Variants in CACNA2D1 observed in about 807,000 individuals in gnomAD.
CACNA2D1 encodes voltage-dependent calcium channel subunit alpha-2/delta-1.
In CACNA2D1, 53 loss-of-function variants were observed where a neutral mutation model predicts 171.5. That is an observed-to-expected ratio of 0.31 (90% confidence interval 0.25 to 0.39). The LOEUF (loss-of-function observed/expected upper bound fraction) is 0.39, where lower values mean the gene tolerates loss of function less well. Ranked by LOEUF, CACNA2D1 falls within the 10% of genes least tolerant of loss-of-function variation. The pLI is 1.00. For missense variants in CACNA2D1, 903 were observed against 1,299.8 expected, an observed-to-expected ratio of 0.69 and a Z score of 4.69; for synonymous variants, 442 against 443.1, an observed-to-expected ratio of 1.00 and a Z score of 0.03.
In CACNA2D1 at chr7:82,146,983, C is replaced by CAAAAAAAA. The variant is rs764990586; in HGVS notation, c.355-10315_355-10308dup. On this transcript the variant is annotated intron_variant, in intron 4 of 38. Coordinates refer to ENST00000356860, the MANE Select transcript of CACNA2D1 (RefSeq NM_000722.4). The stretch of plus-strand genomic sequence containing the variant: ...CTGGGTGATAGCAAGACTCCCATCT[C>CAAAAAAAA]AAAAAAAAAAAAAAAAAAAAAAAAA... Among the ~76,000 whole-genome samples, 24 of 25,510 alleles carry CAAAAAAAA rather than the reference C, an allele frequency of 9.4e-4. 2 individuals carry two copies. Among genetic ancestry groups the CAAAAAAAA allele is most frequent in the Admixed American group, 1.7e-3 (2 of 1,190 alleles). The allele number at this position is 25,510 out of a possible 152,430, so 16.7% of individuals were successfully genotyped here. A position where few individuals can be genotyped will look rare whatever the true frequency, so the allele number is the denominator to read the frequency against.
chr7:82,126,175 T>C (rs1790315460), intron 5 of CACNA2D1, among the ~76,000 whole-genome samples: 1 of 152,172 alleles, frequency 6.6e-6, no homozygotes, highest in African/African-American at 2.4e-5. Flanking sequence ...CTTGCCAATA[T>C]CACCCAGAAA....
chr7:82,061,113 T>C (rs1027046355), intron 9 of CACNA2D1, among the ~76,000 whole-genome samples: 3 of 152,196 alleles, frequency 2.0e-5, no homozygotes, highest in Non-Finnish European at 4.4e-5. Flanking sequence ...TCTACATCTC[T>C]AGCTCCCAAC....
chr7:82,042,646 A>C (rs1453497448), intron 10 of CACNA2D1, among the ~76,000 whole-genome samples: 1 of 152,038 alleles, frequency 6.6e-6, no homozygotes, highest in African/African-American at 2.4e-5. Context: ...TGGGGTAAAA[A>C]TCCTGGAGGG....
chr7:81,961,342 G>T (rs760550533), intron 36 of CACNA2D1, among the ~76,000 whole-genome samples: 1 of 151,644 alleles, frequency 6.6e-6, no homozygotes, highest in African/African-American at 2.4e-5. Context: ...CATTAACCAT[G>T]ACCTAAAAAA....
rs1411355168 is a variant in CACNA2D1, at chr7:82,099,419, CTTCTTTTTTTTTTTTTTTTTTT to C, written c.527-14541_527-14520del. Among the ~76,000 whole-genome samples the C allele has an allele frequency of 5.5e-4, 28 of 50,532 alleles. 2 individuals are homozygous for C. Among genetic ancestry groups the C allele is most frequent in the Non-Finnish European group, 1.0e-3 (23 of 22,516 alleles). The allele number at this position is 50,532 out of a possible 152,430, so 33.2% of individuals were successfully genotyped here. A position where few individuals can be genotyped will look rare whatever the true frequency, so the allele number is the denominator to read the frequency against. The stretch of plus-strand genomic sequence containing the variant: ...CATACTCTAAAACAGGTAGCAATAC[CTTCTTTTTTTTTTTTTTTTTTT>C]TTTTTTTTTTTTTTTTTTTTTTTTT... On this transcript the variant is annotated intron_variant, in intron 6 of 38. Transcript: ENST00000356860.
At chr7:82,000,090 CT>C (rs1202875461) in intron 18 of CACNA2D1, among the ~76,000 whole-genome samples, 2 of 151,920 alleles carry the variant, frequency 1.3e-5, no homozygotes, top group African/African-American at 2.4e-5. Flanking sequence ...GAAACCCCGT[CT>C]CTACTAAAAA....
chr7:82,129,352 G>A (rs1790692935), intron 5 of CACNA2D1, among the ~76,000 whole-genome samples: 1 of 152,154 alleles, frequency 6.6e-6, no homozygotes, highest in Non-Finnish European at 1.5e-5. Context: ...GATTATATCT[G>A]ATACATGTGC....
At chr7:81,985,304 C>G (rs1012598134) in intron 21 of CACNA2D1, among the ~76,000 whole-genome samples, 1 of 145,858 alleles carries the variant, frequency 6.9e-6, no homozygotes, top group Non-Finnish European at 1.5e-5. Flanking sequence ...TGGGCTCAAT[C>G]GATCCTCCCA....
intron 3 of CACNA2D1, among the ~76,000 whole-genome samples, chr7:82,289,897 A>G (rs1316121427): frequency 6.6e-6 from 1 of 151,164 alleles, no homozygotes; most frequent in African/African-American, 2.5e-5. Flanking sequence ...TGTCCCCAAG[A>G]CAAGTATTTT....
At chr7:82,074,640 C>T (rs374336544) in intron 7 of CACNA2D1, among the ~76,000 whole-genome samples, 1 of 152,176 alleles carries the variant, frequency 6.6e-6, no homozygotes, top group East Asian at 1.9e-4. Flanking sequence ...AAAATCTTCT[C>T]TTACTGGTAT....
At chr7:82,274,179 ATCTTCTCATGGC>A (rs1409475247) in intron 3 of CACNA2D1, among the ~76,000 whole-genome samples, 1 of 151,982 alleles carries the variant, frequency 6.6e-6, no homozygotes, top group Non-Finnish European at 1.5e-5. Context: ...GCATTTTCAC[ATCTTCTCATGGC>A]TCCTCTCACG....
chr7:81,950,613 C>G (rs1272333602), intron 38 of CACNA2D1, 105 bp from the exon 39 acceptor site: 2 of 1,427,366 alleles, frequency 1.4e-6, no homozygotes, highest in Non-Finnish European at 1.9e-6. Context: ...AGTTCACTTT[C>G]TGAACTTACC....
intron 1 of CACNA2D1, among the ~76,000 whole-genome samples, chr7:82,388,461 T>C (rs1175842599): frequency 1.3e-5 from 2 of 152,200 alleles, no homozygotes; most frequent in Non-Finnish European, 2.9e-5. Context: ...TTTCACATTA[T>C]TGTCCACTTC....
chr7:82,086,830 A>C (rs1463910129), intron 6 of CACNA2D1, among the ~76,000 whole-genome samples: 1 of 152,066 alleles, frequency 6.6e-6, no homozygotes, highest in Non-Finnish European at 1.5e-5. Flanking sequence ...GTTTTGTTTG[A>C]TAACTCAACA....
chr7:82,347,395 T>C (rs1819368817), intron 2 of CACNA2D1, among the ~76,000 whole-genome samples: 1 of 152,148 alleles, frequency 6.6e-6, no homozygotes, highest in Non-Finnish European at 1.5e-5. Context: ...TTCTTGGCCT[T>C]CATGTAAAAA....
At chr7:82,085,017 C>G in intron 6 of CACNA2D1, 117 bp from the exon 7 acceptor site, 2 of 927,274 alleles carry the variant, frequency 2.2e-6, no homozygotes, top group South Asian at 1.5e-5. Context: ...TAAAATAACT[C>G]TAATCCAGTA....
At chr7:82,147,374 A>C (rs1793267043) in intron 4 of CACNA2D1, among the ~76,000 whole-genome samples, 1 of 152,184 alleles carries the variant, frequency 6.6e-6, no homozygotes, top group African/African-American at 2.4e-5. Context: ...CAAAGGTAGA[A>C]TATGAGAAGG....
intron 4 of CACNA2D1, among the ~76,000 whole-genome samples, chr7:82,147,928 A>G (rs577437654): frequency 2.0e-5 from 3 of 152,316 alleles, no homozygotes; most frequent in African/African-American, 4.8e-5. Flanking sequence ...TTATGTGTCT[A>G]TTATGAAATA....
intron 5 of CACNA2D1, 67 bp downstream of exon 5, chr7:82,136,568 T>C: frequency 8.2e-7 from 1 of 1,222,734 alleles, no homozygotes; most frequent in South Asian, 1.4e-5. Context: ...GCTCAATTTA[T>C]TCTATATAAG....
Sources: allele counts gnomAD v4.1 joint callset (sites outside exome capture counted in the v4.1 genomes callset), GRCh38; gene constraint gnomAD v4.1.1; transcripts MANE v1.5; gene names NCBI Gene and HGNC (gene_info 2026-07-23, HGNC 2026-07-21).